FAM200B: variants seen among roughly 807,000 people sequenced by gnomAD.
FAM200B encodes zinc finger BED-type containing 11.
Under a neutral mutation model 33.1 loss-of-function variants are expected in FAM200B, and 32 were observed. The observed-to-expected ratio is 0.97, with a 90% CI of 0.73 to 1.30. The LOEUF (loss-of-function observed/expected upper bound fraction) is 1.30, where lower values mean the gene tolerates loss of function less well. FAM200B is among the 50% of genes most tolerant of loss of function. FAM200B has a pLI of 0.00. For synonymous variants in FAM200B, 240 were observed against 264.8 expected, an observed-to-expected ratio of 0.91 and a Z score of 0.91; for missense variants, 741 against 754.0, an observed-to-expected ratio of 0.98 and a Z score of 0.20.
At chr4:15,674,454 C>G in the FAM200B span, among the ~76,000 whole-genome samples, 1 of 151,994 alleles carries the variant, frequency 6.6e-6, no homozygotes, top group African/African-American at 2.4e-5. Context: ...AAATGTCCCC[C>G]AATTTTTATT....
At chr4:15,666,283 C>A in the FAM200B span, among the ~76,000 whole-genome samples, 1 of 151,944 alleles carries the variant, frequency 6.6e-6, no homozygotes, top group Non-Finnish European at 1.5e-5. Flanking sequence ...CCTGTAGTCC[C>A]AGCTACTCAG....
At chr4:15,683,081 T>G (rs1370768920) in intron 1 of FAM200B, among the ~76,000 whole-genome samples, 1 of 152,184 alleles carries the variant, frequency 6.6e-6, no homozygotes, top group Admixed American at 6.5e-5. Flanking sequence ...ATATAAAAGA[T>G]TAGTGACGGG....
chr4:15,661,009 G>A, the FAM200B span, among the ~76,000 whole-genome samples: 2 of 152,032 alleles, frequency 1.3e-5, no homozygotes. Context: ...CCTGAGAGAA[G>A]GAGGTTGCAG....
At chr4:15,675,572 ATT>A in the FAM200B span, among the ~76,000 whole-genome samples, 43,333 of 96,354 alleles carry the variant, frequency 0.45, 7,146 homozygotes, top group Non-Finnish European at 0.46. Flanking sequence ...CAAAACTCCT[ATT>A]TTTTTTTTTT....
At chr4:15,666,876 A>C in the FAM200B span, among the ~76,000 whole-genome samples, 2 of 152,180 alleles carry the variant, frequency 1.3e-5, no homozygotes, top group Admixed American at 6.5e-5. Context: ...ACCATTAAAA[A>C]AAAAAAGACA....
At chr4:15,641,963 G>C in the FAM200B span, among the ~76,000 whole-genome samples, 1 of 151,946 alleles carries the variant, frequency 6.6e-6, no homozygotes, top group Non-Finnish European at 1.5e-5. Flanking sequence ...GGAAGAAGGA[G>C]GTTGCGGTGA....
chr4:15,680,682 T>TA (rs928763594), upstream of FAM200B, among the ~76,000 whole-genome samples: 15 of 146,798 alleles, frequency 1.0e-4, no homozygotes, highest in East Asian at 2.0e-4. Flanking sequence ...TCTCAAAAAT[T>TA]AAAAAAAAAA....
At chr4:15,647,021 G>C in the FAM200B span, among the ~76,000 whole-genome samples, 2 of 151,316 alleles carry the variant, frequency 1.3e-5, no homozygotes, top group Non-Finnish European at 2.9e-5. Flanking sequence ...TCAGGAGTTC[G>C]AGACCAGCCT....
rs1364600080 is a variant in FAM200B at position 15,688,646 on chromosome 4, G to A, written c.1669G>A (p.Glu557Lys). ...AATAATTGAGCTAAACTTGGTGCCT[G>A]AAGAAGAGAATGAATTATTGCAGCT... ...ESIIELNLVPEEENELLQLSS... is the reference protein window; with the variant it reads ...ESIIELNLVPKEENELLQLSS... The change falls in exon 2 of 2, where the codon GAA (glutamate) becomes AAA (lysine). Residue 557 changes from glutamate (E) to lysine (K), a missense_variant. Glu to Lys is a moderately conservative substitution (Grantham distance 56). Transcript: ENST00000422728. 3.9e-6 allele frequency: 6 copies of A among 1,551,214 alleles called. No individual in the cohort carries two copies. Among genetic ancestry groups the A allele is most frequent in the Non-Finnish European group, 4.4e-6 (5 of 1,146,732 alleles).
chr4:15,653,744 C>G, the FAM200B span, among the ~76,000 whole-genome samples: 1 of 152,048 alleles, frequency 6.6e-6, no homozygotes, highest in South Asian at 2.1e-4. Flanking sequence ...GTAAAAAATT[C>G]AGGGATATAC....
At chr4:15,640,779 T>G in the FAM200B span, 1 of 1,438,362 alleles carries the variant, frequency 7.0e-7, no homozygotes, top group Admixed American at 2.3e-5. Flanking sequence ...AAAGAAAAAT[T>G]ATGCTTACCT....
At chr4:15,647,222 C>CAAAAAAAAAAAACAAAAAAAAA in the FAM200B span, among the ~76,000 whole-genome samples, 1 of 36,530 alleles carries the variant, frequency 2.7e-5, no homozygotes, top group African/African-American at 1.1e-4. Context: ...GACTCCATCT[C>CAAAAAAAAAAAACAAAAAAAAA]AAAAAAAAAA....
At chr4:15,662,488 A>G in the FAM200B span, among the ~76,000 whole-genome samples, 3 of 152,208 alleles carry the variant, frequency 2.0e-5, no homozygotes, top group African/African-American at 7.2e-5. Flanking sequence ...ATTCAATACT[A>G]TCTTTTAATA....
chr4:15,675,572 ATTTTTT>A, the FAM200B span, among the ~76,000 whole-genome samples: 19 of 96,682 alleles, frequency 2.0e-4, no homozygotes, highest in South Asian at 1.0e-3. Context: ...CAAAACTCCT[ATTTTTT>A]TTTTTTTTTT....
chr4:15,688,761 G>A lies in FAM200B; in HGVS notation c.1784G>A (p.Ser595Asn), dbSNP rs1391382604. ...GTAAAGGAAGACTTTCCATTGTTAA[G>A]TAGAAAGAGTGTCCTGCTATTGCTA... The part of the protein sequence containing the change: ...MKVKEDFPLL[S>N]RKSVLLLLPF... Residue 595 changes from serine to asparagine, a missense_variant, in exon 2 of 2, where the codon AGT becomes AAT. Ser to Asn is a conservative substitution (Grantham distance 46). Coordinates refer to ENST00000422728, the MANE Select transcript of FAM200B (RefSeq NM_001145191.2). 2 of 1,550,920 alleles carry A rather than the reference G, an allele frequency of 1.3e-6. No individual in the cohort carries two copies. Among genetic ancestry groups the A allele is most frequent in the East Asian group, 4.9e-5 (2 of 40,896 alleles).
At chr4:15,645,584 C>T in the FAM200B span, among the ~76,000 whole-genome samples, 1 of 152,094 alleles carries the variant, frequency 6.6e-6, no homozygotes, top group Non-Finnish European at 1.5e-5. Context: ...CTCGCCACCA[C>T]GCCCGGCTAA....
chr4:15,639,501 A>G, the FAM200B span, among the ~76,000 whole-genome samples: 1 of 152,256 alleles, frequency 6.6e-6, no homozygotes, highest in Non-Finnish European at 1.5e-5. Context: ...AGTGGTTCCT[A>G]CAAGAATTAT....
At chr4:15,654,666 A>G in the FAM200B span, among the ~76,000 whole-genome samples, 1 of 152,214 alleles carries the variant, frequency 6.6e-6, no homozygotes, top group Non-Finnish European at 1.5e-5. Flanking sequence ...GGGTAAAAGG[A>G]ACCGGGTAGC....
At chr4:15,647,611 A>G in the FAM200B span, among the ~76,000 whole-genome samples, 1 of 152,218 alleles carries the variant, frequency 6.6e-6, no homozygotes. Context: ...TAACACATTA[A>G]GGTAAAGATT....
Sources: gnomAD v4.1 joint callset for allele counts (sites outside exome capture counted in the v4.1 genomes callset) on GRCh38, gnomAD v4.1.1 for gene constraint, MANE v1.5 for transcripts, NCBI Gene and HGNC (gene_info 2026-07-23, HGNC 2026-07-21) for gene names.